The following TCF4 variants were observed in gnomAD, a reference collection of about 807,000 sequenced individuals.
TCF4 encodes SL3-3 enhancer factor 2.
Under a neutral mutation model 82.1 loss-of-function variants are expected in TCF4, and 3 were observed. That is an observed-to-expected ratio of 0.04 (90% CI 0.02 to 0.09). The LOEUF is 0.09. Ranked by LOEUF, TCF4 falls within the 10% of genes least tolerant of loss-of-function variation. TCF4 has a pLI of 1.00. For synonymous variants in TCF4, 276 were observed against 309.6 expected (o/e 0.89, Z 1.14); for missense variants, 518 against 852.7 (o/e 0.61, Z 4.89).
chr18:55,596,044 C>G, intron 2 of TCF4: 3 of 391,470 alleles, frequency 7.7e-6, no homozygotes, highest in South Asian at 5.6e-5. Context: ...ACCAGCCTGG[C>G]CAACGTGGTG....
chr18:55,244,993 T>C (rs911578133), intron 15 of TCF4, among the ~76,000 whole-genome samples: 2 of 152,230 alleles, frequency 1.3e-5, no homozygotes, highest in South Asian at 4.1e-4. Context: ...AAAGATGTCA[T>C]TTCACTAATA....
chr18:55,405,034 A>T (rs902452565), intron 5 of TCF4, among the ~76,000 whole-genome samples: 2 of 152,274 alleles, frequency 1.3e-5, no homozygotes, highest in African/African-American at 4.8e-5. Flanking sequence ...CAGTCTTAGA[A>T]GATCTAACAG....
intron 3 of TCF4, among the ~76,000 whole-genome samples, chr18:55,578,915 C>T (rs1456669941): frequency 1.3e-5 from 2 of 151,920 alleles, no homozygotes; most frequent in East Asian, 1.9e-4. Context: ...TGTGGCTGCA[C>T]CTTTAAATAA....
At chr18:55,621,626 A>ATATATTATATT (rs2097719526) in intron 2 of TCF4, among the ~76,000 whole-genome samples, 2 of 56,954 alleles carry the variant, frequency 3.5e-5, no homozygotes, top group Non-Finnish European at 5.8e-5. Context: ...TATTATATAT[A>ATATATTATATT]ATATATATAT....
At chr18:55,456,042 C>T (rs968050423) in intron 5 of TCF4, among the ~76,000 whole-genome samples, 1 of 152,228 alleles carries the variant, frequency 6.6e-6, no homozygotes, top group African/African-American at 2.4e-5. Flanking sequence ...CACAACACTT[C>T]ACCTTTATGC....
intron 15 of TCF4, among the ~76,000 whole-genome samples, chr18:55,242,362 C>T (rs2051523290): frequency 6.6e-6 from 1 of 150,608 alleles, no homozygotes; most frequent in Non-Finnish European, 1.5e-5. Context: ...GCACAGGTCA[C>T]TGCACGGGAG....
intron 3 of TCF4, among the ~76,000 whole-genome samples, chr18:55,520,371 T>C (rs1257511225): frequency 2.0e-5 from 3 of 152,160 alleles, no homozygotes; most frequent in Admixed American, 1.3e-4. Flanking sequence ...TATGTATATA[T>C]AAAAACAAGT....
chr18:55,454,397 T>C (rs1312046199), intron 5 of TCF4, among the ~76,000 whole-genome samples: 1 of 152,142 alleles, frequency 6.6e-6, no homozygotes, highest in Non-Finnish European at 1.5e-5. Flanking sequence ...GTATGGGCTT[T>C]TCATTCAACG....
chr18:55,255,542 T>C (rs1048729908), intron 14 of TCF4, among the ~76,000 whole-genome samples: 3 of 152,136 alleles, frequency 2.0e-5, no homozygotes, highest in African/African-American at 7.2e-5. Flanking sequence ...GTGAAGAAAA[T>C]GTATGTATTC....
intron 5 of TCF4, among the ~76,000 whole-genome samples, chr18:55,410,266 C>T (rs534905058): frequency 6.6e-6 from 1 of 152,250 alleles, no homozygotes; most frequent in East Asian, 1.9e-4. Context: ...TCTGATCCCA[C>T]TGGAAATTGG....
chr18:55,333,436 C>T (rs1365155933), intron 8 of TCF4, among the ~76,000 whole-genome samples: 4 of 151,680 alleles, frequency 2.6e-5, no homozygotes, highest in African/African-American at 4.8e-5. Flanking sequence ...GTCTATGGCA[C>T]TTTCTCCCAC....
chr18:55,507,343 A>C (rs1316247665), intron 3 of TCF4, among the ~76,000 whole-genome samples: 1 of 152,200 alleles, frequency 6.6e-6, no homozygotes, highest in Non-Finnish European at 1.5e-5. Context: ...CCTAGAGGTG[A>C]CTTATAGGCA....
chr18:55,281,387 G>C (rs1445273632), intron 8 of TCF4, among the ~76,000 whole-genome samples: 2 of 152,092 alleles, frequency 1.3e-5, no homozygotes, highest in Non-Finnish European at 2.9e-5. Flanking sequence ...ACAGGAAAAA[G>C]GGAAACTGAA....
At chr18:55,612,534 ATTG>A (rs1057051501) in intron 2 of TCF4, among the ~76,000 whole-genome samples, 3 of 152,112 alleles carry the variant, frequency 2.0e-5, no homozygotes, top group African/African-American at 7.2e-5. Context: ...AGCTCACTGT[ATTG>A]TTGTAATGAA....
chr18:55,538,026 G>GCGCGCGCACA lies in TCF4; in HGVS notation c.145+47253_145+47254insTGTGCGCGCG, dbSNP rs1277287061. Among the ~76,000 whole-genome samples the GCGCGCGCACA allele has an allele frequency of 2.3e-5, 3 of 131,574 alleles. No individual in the cohort carries two copies. In the Admixed American group the frequency reaches 2.5e-4, roughly 11 times the overall value. The allele number at this position is 131,574 out of a possible 152,430, so 86.3% of individuals were successfully genotyped here. On this transcript the variant is annotated intron_variant, in intron 3 of 19. Transcript: ENST00000354452. ...CTGGATTTTGCTAGTCTGCGCGCGC[G>GCGCGCGCACA]CACACACACACACACACACACACAC...
intron 5 of TCF4, among the ~76,000 whole-genome samples, chr18:55,424,081 C>T (rs915856932): frequency 8.5e-5 from 13 of 152,220 alleles, no homozygotes; most frequent in Admixed American, 2.6e-4. Flanking sequence ...TGCTTGGCTG[C>T]GGCACCCCAA....
At chr18:55,635,914 C>A in exon 1 of TCF4, 1 of 1,572,418 alleles carries the variant, frequency 6.4e-7, no homozygotes, top group Non-Finnish European at 8.6e-7. Flanking sequence ...GTTCCTTTGG[C>A]CGCATAAGTG....
At chr18:55,549,975 G>A (rs2097245648) in intron 3 of TCF4, among the ~76,000 whole-genome samples, 1 of 152,178 alleles carries the variant, frequency 6.6e-6, no homozygotes, top group Admixed American at 6.5e-5. Flanking sequence ...TGCCTAGCAT[G>A]ACCAATACGG....
rs2046494245 is a variant in TCF4, at chr18:55,225,626, G to A, written c.*2409C>T. ...TAAAAGGAAATCTTTAACATACGGAGGGAACAAATACACATGGTTTTCATT... is the reference window on the plus strand; with the variant it reads ...TAAAAGGAAATCTTTAACATACGGAAGGAACAAATACACATGGTTTTCATT... On this transcript the variant is annotated 3_prime_UTR_variant, in exon 20 of 20. Coordinates refer to ENST00000354452, the MANE Select transcript of TCF4 (RefSeq NM_001083962.2). 1 of 152,532 alleles carries A rather than the reference G, an allele frequency of 6.6e-6. No individual in the cohort carries two copies. The highest frequency in any genetic ancestry group is 1.5e-5 in the Non-Finnish European group (1 of 67,996). The allele number at this position is 152,532 out of a possible 1,614,324, so 9.4% of individuals were successfully genotyped here.
Sources: allele counts gnomAD v4.1 joint callset (sites outside exome capture counted in the v4.1 genomes callset), GRCh38; gene constraint gnomAD v4.1.1; transcripts MANE v1.5; gene names NCBI Gene and HGNC (gene_info 2026-07-23, HGNC 2026-07-21).